Variants in RANBP2 observed in about 807,000 individuals in gnomAD.
RANBP2 encodes RAN binding protein 2, also known as E3 SUMO-protein ligase RanBP2.
In RANBP2, 57 loss-of-function variants were observed where a neutral mutation model predicts 303.6. The ratio of observed to expected loss-of-function variants is 0.19; its 90% confidence interval spans 0.15 to 0.23. The LOEUF (loss-of-function observed/expected upper bound fraction) is 0.23. RANBP2 is among the 10% of genes least tolerant of loss of function. The pLI, the probability that RANBP2 is intolerant of heterozygous loss-of-function variation, is 1.00. For synonymous variants in RANBP2, 1,167 were observed against 1,301.5 expected, an observed-to-expected ratio of 0.90 and a Z score of 2.23; for missense variants, 3,138 against 3,780.8, an observed-to-expected ratio of 0.83 and a Z score of 4.46.
At chr2:109,398,850 A>C in the RANBP2 span, 4 of 1,613,868 alleles carry the variant, frequency 2.5e-6, no homozygotes, top group South Asian at 4.4e-5. Context: ...ATTCCATGGA[A>C]ATTAGTGCTC....
At chr2:109,303,919 A>G in the RANBP2 span, among the ~76,000 whole-genome samples, 5 of 151,952 alleles carry the variant, frequency 3.3e-5, no homozygotes, top group Admixed American at 2.6e-4. Context: ...CCTTACTATA[A>G]GATATAACCC....
the RANBP2 span, among the ~76,000 whole-genome samples, chr2:108,910,297 C>T: frequency 2.0e-5 from 3 of 152,334 alleles, no homozygotes; most frequent in South Asian, 6.2e-4. Flanking sequence ...CACCACCTGA[C>T]CCCTGCCAGT....
chr2:109,201,318 C>T, the RANBP2 span, among the ~76,000 whole-genome samples: 1 of 152,230 alleles, frequency 6.6e-6, no homozygotes, highest in Non-Finnish European at 1.5e-5. Flanking sequence ...TCCCACAGGC[C>T]TCCCTGATCT....
At chr2:109,760,520 G>C in the RANBP2 span, among the ~76,000 whole-genome samples, 3 of 140,414 alleles carry the variant, frequency 2.1e-5, no homozygotes, top group African/African-American at 7.6e-5. Flanking sequence ...GCGGGTGAGT[G>C]CGCCGGCCGC....
At chr2:109,446,182 A>G in the RANBP2 span, among the ~76,000 whole-genome samples, 1 of 152,194 alleles carries the variant, frequency 6.6e-6, no homozygotes, top group African/African-American at 2.4e-5. Flanking sequence ...AGCCAGTGTC[A>G]TGACCTGAGC....
At chr2:108,934,936 T>A in the RANBP2 span, among the ~76,000 whole-genome samples, 2 of 152,250 alleles carry the variant, frequency 1.3e-5, no homozygotes, top group African/African-American at 4.8e-5. Context: ...CTTGTGGAAC[T>A]AACCAGTTAA....
chr2:109,079,314 CAATACACGTAAGATACAA>C, the RANBP2 span, among the ~76,000 whole-genome samples: 2 of 152,136 alleles, frequency 1.3e-5, no homozygotes, highest in African/African-American at 4.8e-5. Context: ...ATGCAGTACT[CAATACACGTAAGATACAA>C]AATTTGTATG....
chr2:109,579,634 T>A, the RANBP2 span, among the ~76,000 whole-genome samples: 1 of 150,898 alleles, frequency 6.6e-6, no homozygotes, highest in African/African-American at 2.4e-5. Context: ...CCACCCACCT[T>A]GGCCTCCCAA....
chr2:109,105,248 C>G, the RANBP2 span, among the ~76,000 whole-genome samples: 2 of 152,152 alleles, frequency 1.3e-5, no homozygotes, highest in African/African-American at 4.8e-5. Flanking sequence ...GGAATTTAAC[C>G]GATATATGAC....
chr2:108,853,383 T>C, the RANBP2 span, among the ~76,000 whole-genome samples: 1 of 152,164 alleles, frequency 6.6e-6, no homozygotes, highest in Non-Finnish European at 1.5e-5. Context: ...TATATGTCAT[T>C]AACAATAAGT....
chr2:109,165,621 A>G, the RANBP2 span, among the ~76,000 whole-genome samples: 2 of 152,220 alleles, frequency 1.3e-5, no homozygotes, highest in East Asian at 3.9e-4. Flanking sequence ...ACTCTGCCTT[A>G]GAGCACTGTG....
chr2:109,045,183 G>A, the RANBP2 span, among the ~76,000 whole-genome samples: 1 of 152,098 alleles, frequency 6.6e-6, no homozygotes, highest in African/African-American at 2.4e-5. Flanking sequence ...GGAAAGAGTC[G>A]AAGGTGTTGA....
chr2:109,464,599 T>TA, the RANBP2 span, among the ~76,000 whole-genome samples: 1 of 152,248 alleles, frequency 6.6e-6, no homozygotes, highest in Non-Finnish European at 1.5e-5. Context: ...TTTCCTCTTC[T>TA]AAAAATAGCC....
the RANBP2 span, chr2:109,593,230 C>G: frequency 1.5e-6 from 1 of 649,058 alleles, no homozygotes; most frequent in Non-Finnish European, 2.4e-6. Flanking sequence ...GTTGTTATCA[C>G]CAAGTTTTGA....
the RANBP2 span, among the ~76,000 whole-genome samples, chr2:109,317,342 G>A: frequency 2.0e-5 from 3 of 152,086 alleles, no homozygotes; most frequent in Non-Finnish European, 4.4e-5. Flanking sequence ...TGGGCAGGTG[G>A]GCAGGTGCCG....
chr2:109,707,307 C>T, the RANBP2 span, among the ~76,000 whole-genome samples: 5 of 152,132 alleles, frequency 3.3e-5, no homozygotes, highest in African/African-American at 1.2e-4. Context: ...ACCCAACTGG[C>T]TCTTTTCTTG....
chr2:109,546,016 C>A, the RANBP2 span: 2 of 1,535,610 alleles, frequency 1.3e-6, no homozygotes, highest in Admixed American at 2.2e-5. Flanking sequence ...CAAGTGTGGG[C>A]AGGGCTGCCA....
chr2:109,005,872 C>T, the RANBP2 span, among the ~76,000 whole-genome samples: 1,303 of 152,334 alleles, frequency 8.6e-3, 18 homozygotes, highest in African/African-American at 0.029. Flanking sequence ...CAACCACAGC[C>T]CAGTTCAGCC....
the RANBP2 span, among the ~76,000 whole-genome samples, chr2:108,803,442 T>A: frequency 4.6e-3 from 696 of 151,854 alleles, 4 homozygotes; most frequent in African/African-American, 0.012. Context: ...TAAAAAAAAA[T>A]TTTTTTTTAA....
Sources: allele counts gnomAD v4.1 joint callset (sites outside exome capture counted in the v4.1 genomes callset), GRCh38; gene constraint gnomAD v4.1.1; transcripts MANE v1.5; gene names NCBI Gene and HGNC (gene_info 2026-07-23, HGNC 2026-07-21).